KATNA1: variants seen among roughly 807,000 people sequenced by gnomAD.
The protein encoded by KATNA1 is katanin p60 ATPase-containing subunit A1.
In KATNA1, 42 loss-of-function variants were observed where a neutral mutation model predicts 62.6. The ratio of observed to expected loss-of-function variants is 0.67; its 90% CI spans 0.52 to 0.87. The LOEUF is 0.87. KATNA1 is among the 40% of genes least tolerant of loss of function. The pLI, the probability that KATNA1 is intolerant of heterozygous loss-of-function variation, is 0.00. For missense variants in KATNA1, 498 were observed against 612.5 expected (o/e 0.81, Z 1.97); for synonymous variants, 186 against 201.9 (o/e 0.92, Z 0.67).
At chr6:149,624,128 T>C (rs554348732) in intron 3 of KATNA1, among the ~76,000 whole-genome samples, 82 of 152,200 alleles carry the variant, frequency 5.4e-4, no homozygotes, top group Non-Finnish European at 9.7e-4. Context: ...CAGCTGAGCA[T>C]CTCTAATCTG....
At chr6:149,629,342 C>G (rs1779748456) in intron 3 of KATNA1, among the ~76,000 whole-genome samples, 1 of 152,142 alleles carries the variant, frequency 6.6e-6, no homozygotes, top group Admixed American at 6.6e-5. Context: ...AGAGCTTACT[C>G]ACTCTCTCTG....
intron 4 of KATNA1, among the ~76,000 whole-genome samples, chr6:149,611,089 AAC>A (rs1316184382): frequency 6.6e-6 from 1 of 152,164 alleles, no homozygotes; most frequent in Non-Finnish European, 1.5e-5. Context: ...CTCAGAAACA[AAC>A]AAAAAAGTCT....
At chr6:149,595,465 G>A (rs1778267086) in intron 10 of KATNA1, among the ~76,000 whole-genome samples, 1 of 152,034 alleles carries the variant, frequency 6.6e-6, no homozygotes, top group South Asian at 2.1e-4. Context: ...AATTAATACT[G>A]AATATAAAAT....
intron 3 of KATNA1, among the ~76,000 whole-genome samples, chr6:149,626,659 T>C (rs1041890632): frequency 5.3e-5 from 8 of 151,612 alleles, no homozygotes; most frequent in Non-Finnish European, 5.9e-5. Flanking sequence ...ATTTAAAGCA[T>C]ACAGGAGGAT....
chr6:149,646,051 AG>A (rs1365073625), intron 1 of KATNA1, among the ~76,000 whole-genome samples: 1 of 152,200 alleles, frequency 6.6e-6, no homozygotes, highest in Non-Finnish European at 1.5e-5. Flanking sequence ...TAATTTTTAA[AG>A]GACTCAGGCT....
chr6:149,631,964 TA>T (rs1562297922), intron 3 of KATNA1, among the ~76,000 whole-genome samples: 1 of 152,208 alleles, frequency 6.6e-6, no homozygotes, highest in Non-Finnish European at 1.5e-5. Context: ...CTCTATGAAT[TA>T]AAAAGCCAAT....
rs9498386 is a variant in KATNA1 at position 149,617,315 on chromosome 6, T to C, written c.501+5788A>G. On this transcript the variant is annotated intron_variant, in intron 4 of 10. Transcript: ENST00000367411. ...TGCACACTTGAAATATTTTAAATGG[T>C]AAATTTTATGTTATGTATATTTTGC... Among the ~76,000 whole-genome samples, 657 of 152,246 alleles carry C rather than the reference T, an allele frequency of 4.3e-3. 4 individuals carry two copies. Among genetic ancestry groups the C allele is most frequent in the African/African-American group, 0.015 (626 of 41,488 alleles).
At chr6:149,615,084 G>C (rs1234366731) in intron 4 of KATNA1, among the ~76,000 whole-genome samples, 2 of 122,174 alleles carry the variant, frequency 1.6e-5, no homozygotes, top group Non-Finnish European at 3.2e-5. Flanking sequence ...AGTAAGCTGA[G>C]ATTGTGTCAC....
chr6:149,598,507 G>T (rs1778414328), intron 7 of KATNA1, among the ~76,000 whole-genome samples, 157 bp from the exon 8 acceptor site: 1 of 152,008 alleles, frequency 6.6e-6, no homozygotes, highest in South Asian at 2.1e-4. Context: ...AGGATGGATT[G>T]AGCCCAAGAG....
rs761990782 is a variant in KATNA1 at position 149,604,670 on chromosome 6, T to C, written c.614A>G (p.Asn205Ser). The C allele has an allele frequency of 1.1e-5, 18 of 1,613,582 alleles. No individual in the cohort carries two copies. The highest frequency in any genetic ancestry group is 2.2e-5 in the East Asian group (1 of 44,896). Residue 205 changes from asparagine to serine, a missense_variant, in exon 5 of 11, where the codon AAT becomes AGT. This residue lies in a region of KATNA1 where 267 missense variants were observed against 372.6 expected (regional missense o/e 0.72). Transcript: ENST00000367411. Reference protein sequence around the residue: ...LERDIISQNPNVRWDDIADLV... With the variant: ...LERDIISQNPSVRWDDIADLV... Reference sequence around the variant, plus strand: ...TTGTGATATAACTTACCATCGAACATTGGGATTCTGGGAAATTATATCTCT... The same window carrying C: ...TTGTGATATAACTTACCATCGAACACTGGGATTCTGGGAAATTATATCTCT...
At chr6:149,627,271 G>A (rs1779651428) in intron 3 of KATNA1, among the ~76,000 whole-genome samples, 1 of 151,668 alleles carries the variant, frequency 6.6e-6, no homozygotes, top group Admixed American at 6.6e-5. Context: ...GCTCACACAT[G>A]TGATCCCAGT....
chr6:149,599,764 C>T (rs1333398203), intron 7 of KATNA1, among the ~76,000 whole-genome samples: 2 of 152,016 alleles, frequency 1.3e-5, no homozygotes, highest in East Asian at 1.9e-4. Context: ...GTGATCTGCC[C>T]GCCTCAACCT....
intron 1 of KATNA1, among the ~76,000 whole-genome samples, chr6:149,644,156 C>A (rs1273080725): frequency 3.3e-5 from 5 of 152,050 alleles, no homozygotes; most frequent in African/African-American, 1.2e-4. Flanking sequence ...GACACCTAGT[C>A]TGGGCAAGGG....
intron 8 of KATNA1, chr6:149,597,999 G>A (rs531346091): frequency 5.4e-4 from 278 of 518,258 alleles, no homozygotes; most frequent in Non-Finnish European, 8.5e-4. Context: ...CCAAAAGGGT[G>A]CCCTGTGTGT....
At chr6:149,595,952 C>T (rs914878587) in intron 10 of KATNA1, among the ~76,000 whole-genome samples, 24 of 152,190 alleles carry the variant, frequency 1.6e-4, no homozygotes, top group Admixed American at 1.6e-3. Flanking sequence ...GCTATTCTGT[C>T]ACATTTAGGA....
At chr6:149,622,522 A>G (rs1582785718) in intron 4 of KATNA1, among the ~76,000 whole-genome samples, 1 of 152,124 alleles carries the variant, frequency 6.6e-6, no homozygotes, top group East Asian at 1.9e-4. Flanking sequence ...TAAAGTATAT[A>G]TGGAAGTTCC....
rs775137029 is a variant in KATNA1, at chr6:149,595,072, T to C, written c.1440A>G (p.Arg480=). 6.2e-7 allele frequency: 1 copy of C among 1,614,080 alleles called. No individual in the cohort carries two copies. Among genetic ancestry groups the C allele is most frequent in the South Asian group, 1.1e-5 (1 of 91,078 alleles). ...CAAACTCAAATATCCATTTCTCGTATCTTTCAATGTCTGCAGCAGACACTG... is the reference window on the plus strand; with the variant it reads ...CAAACTCAAATATCCATTTCTCGTACCTTTCAATGTCTGCAGCAGACACTG... ...SKSVSAADIE[R]YEKWIFEFGS... is the part of the protein sequence containing the mutation. The change falls in exon 11 of 11, where the codon AGA becomes AGG. Residue 480 remains arginine, a synonymous_variant. Transcript: ENST00000367411.
intron 1 of KATNA1, among the ~76,000 whole-genome samples, chr6:149,638,903 AT>A (rs1177960156): frequency 6.6e-5 from 10 of 151,164 alleles, no homozygotes; most frequent in Non-Finnish European, 1.0e-4. Context: ...TGCCCGGCTA[AT>A]TTTTTTTGTA....
chr6:149,632,193 A>C (rs1582799872), intron 3 of KATNA1, among the ~76,000 whole-genome samples: 1 of 152,020 alleles, frequency 6.6e-6, no homozygotes, highest in Non-Finnish European at 1.5e-5. Flanking sequence ...GGAGAACGAG[A>C]CCAGCCTGGC....
Sources: allele counts gnomAD v4.1 joint callset (sites outside exome capture counted in the v4.1 genomes callset), GRCh38; gene constraint gnomAD v4.1.1; regional missense constraint gnomAD v4.1.1; transcripts MANE v1.5; gene names NCBI Gene and HGNC (gene_info 2026-07-23, HGNC 2026-07-21).